CTNNA2: variants seen among roughly 807,000 people sequenced by gnomAD.
The protein encoded by CTNNA2 is catenin alpha 2, also known as catenin alpha-2.
Under a neutral mutation model 101.0 loss-of-function variants are expected in CTNNA2, and 42 were observed. That is an observed-to-expected ratio of 0.42 (90% CI 0.32 to 0.54). The LOEUF (loss-of-function observed/expected upper bound fraction) is 0.54. CTNNA2 is among the 20% of genes least tolerant of loss of function. The pLI, the probability that CTNNA2 is intolerant of heterozygous loss-of-function variation, is 0.14. For missense variants in CTNNA2, 871 were observed against 1,223.1 expected (o/e 0.71, Z 4.29); for synonymous variants, 450 against 456.4 (o/e 0.99, Z 0.18).
At chr2:80,080,404 C>T (rs757984193) in intron 7 of CTNNA2, among the ~76,000 whole-genome samples, 9 of 152,148 alleles carry the variant, frequency 5.9e-5, no homozygotes, top group Non-Finnish European at 7.3e-5. Flanking sequence ...GACAAGGACA[C>T]CTCGACAATT....
At chr2:79,397,602 A>G (rs1462256912) in intron 4 of CTNNA2, among the ~76,000 whole-genome samples, 1 of 152,154 alleles carries the variant, frequency 6.6e-6, no homozygotes, top group South Asian at 2.1e-4. Flanking sequence ...AGAAGTCTTC[A>G]GTCTTTCGTG....
chr2:79,660,047 G>A (rs560060211), intron 2 of CTNNA2, among the ~76,000 whole-genome samples: 23 of 152,004 alleles, frequency 1.5e-4, no homozygotes, highest in Non-Finnish European at 2.8e-4. Flanking sequence ...AGTATCATAA[G>A]TTTATTGAAA....
At chr2:79,484,825 A>T (rs569457405) in intron 4 of CTNNA2, among the ~76,000 whole-genome samples, 21 of 152,294 alleles carry the variant, frequency 1.4e-4, no homozygotes, top group Non-Finnish European at 2.2e-4. Context: ...CTCTTGCTTG[A>T]TAATTCCTTA....
rs565190695 is a variant in CTNNA2, at chr2:80,251,654, C to T, written c.1057-141557C>T. Among the ~76,000 whole-genome samples, 3 of 152,268 alleles carry T rather than the reference C, an allele frequency of 2.0e-5. No individual in the cohort carries two copies. In the South Asian group the frequency reaches 6.2e-4, roughly 32 times the overall value. On this transcript the variant is annotated intron_variant, in intron 7 of 18. Transcript: ENST00000402739. ...CGATCTGATCCATTTGGCTCTGGCTCTCTTTGTTATTGGATGATTGCTCAT... is the reference window on the plus strand; with the variant it reads ...CGATCTGATCCATTTGGCTCTGGCTTTCTTTGTTATTGGATGATTGCTCAT...
At chr2:80,120,870 G>T (rs1443531963) in intron 7 of CTNNA2, among the ~76,000 whole-genome samples, 3 of 152,094 alleles carry the variant, frequency 2.0e-5, no homozygotes, top group Non-Finnish European at 2.9e-5. Context: ...TAATTGCCTT[G>T]GAACAGTTAT....
chr2:79,515,861 A>G (rs1671781696), intron 1 of CTNNA2, among the ~76,000 whole-genome samples: 1 of 152,104 alleles, frequency 6.6e-6, no homozygotes, highest in Admixed American at 6.5e-5. Context: ...GATCTTATGG[A>G]CCCCTGTAAA....
chr2:80,316,502 T>C (rs536262815), intron 7 of CTNNA2, among the ~76,000 whole-genome samples: 56 of 152,350 alleles, frequency 3.7e-4, no homozygotes, highest in Admixed American at 2.7e-3. Flanking sequence ...CTCGGGATAC[T>C]CTTTAAGATT....
intron 7 of CTNNA2, among the ~76,000 whole-genome samples, chr2:80,310,788 A>G (rs972720250): frequency 6.6e-6 from 1 of 152,114 alleles, no homozygotes; most frequent in African/African-American, 2.4e-5. Flanking sequence ...CCTGACCAAC[A>G]TGATGAAACC....
intron 7 of CTNNA2, among the ~76,000 whole-genome samples, chr2:80,320,728 A>G (rs1403992691): frequency 6.6e-6 from 1 of 152,232 alleles, no homozygotes; most frequent in Non-Finnish European, 1.5e-5. Flanking sequence ...ATAATATTTT[A>G]CGCTTAAATA....
chr2:79,569,211 G>A (rs777476576), intron 1 of CTNNA2, among the ~76,000 whole-genome samples: 1 of 152,132 alleles, frequency 6.6e-6, no homozygotes, highest in Non-Finnish European at 1.5e-5. Flanking sequence ...GTTAGGTAGC[G>A]TGACAGGTGA....
At chr2:79,321,793 G>GTACACACA (rs1553398465) in intron 3 of CTNNA2, among the ~76,000 whole-genome samples, 1 of 149,074 alleles carries the variant, frequency 6.7e-6, no homozygotes, top group African/African-American at 2.5e-5. Flanking sequence ...CACTGTGTTT[G>GTACACACA]CACACACACA....
intron 3 of CTNNA2, among the ~76,000 whole-genome samples, chr2:79,339,344 C>G (rs942803571): frequency 1.3e-5 from 2 of 151,890 alleles, no homozygotes; most frequent in Non-Finnish European, 2.9e-5. Flanking sequence ...TAAAAGAGTC[C>G]CATTAGGTGC....
At chr2:79,602,640 T>C (rs1677621407) in intron 1 of CTNNA2, among the ~76,000 whole-genome samples, 2 of 152,102 alleles carry the variant, frequency 1.3e-5, no homozygotes, top group South Asian at 4.1e-4. Context: ...AGAGCTAATA[T>C]AATGAAAGAG....
chr2:80,054,581 C>T (rs909530425), intron 7 of CTNNA2, among the ~76,000 whole-genome samples: 14 of 152,270 alleles, frequency 9.2e-5, no homozygotes, highest in South Asian at 6.2e-4. Flanking sequence ...TGGAGCACAG[C>T]CAAGTCTACT....
intron 7 of CTNNA2, among the ~76,000 whole-genome samples, chr2:80,368,867 G>GTGTGTGTATATATA (rs112571951): frequency 6.9e-6 from 1 of 144,734 alleles, no homozygotes; most frequent in African/African-American, 2.6e-5. Flanking sequence ...GTGTGTGTGT[G>GTGTGTGTATATATA]TATATATATA....
intron 6 of CTNNA2, among the ~76,000 whole-genome samples, chr2:79,895,168 C>T (rs1358582471): frequency 2.6e-5 from 4 of 152,184 alleles, no homozygotes; most frequent in Non-Finnish European, 5.9e-5. Context: ...CAAAAGAGAA[C>T]ATGACATTCT....
intron 7 of CTNNA2, among the ~76,000 whole-genome samples, chr2:80,171,513 A>G (rs980716461): frequency 6.6e-6 from 1 of 152,166 alleles, no homozygotes; most frequent in Admixed American, 6.5e-5. Context: ...GCCCCCAAAT[A>G]TGTGACAACC....
At chr2:79,694,516 A>G (rs933152717) in intron 2 of CTNNA2, among the ~76,000 whole-genome samples, 6 of 151,936 alleles carry the variant, frequency 3.9e-5, no homozygotes, top group African/African-American at 4.8e-5. Context: ...ATTTTATAAA[A>G]CTTAGTATTT....
At chr2:79,936,532 A>G (rs1687803383) in intron 7 of CTNNA2, among the ~76,000 whole-genome samples, 1 of 127,314 alleles carries the variant, frequency 7.9e-6, no homozygotes, top group Non-Finnish European at 1.7e-5. Flanking sequence ...TGTTTCTGGA[A>G]ACTCCAAGCG....
Sources: gnomAD v4.1 joint callset for allele counts (sites outside exome capture counted in the v4.1 genomes callset) on GRCh38, gnomAD v4.1.1 for gene constraint, MANE v1.5 for transcripts, NCBI Gene and HGNC (gene_info 2026-07-23, HGNC 2026-07-21) for gene names.